Variants in SPAG16 observed in about 807,000 individuals in gnomAD.
SPAG16 encodes the protein sperm associated antigen 16, also known as sperm-associated antigen 16 protein.
Under a neutral mutation model 80.4 loss-of-function variants are expected in SPAG16, and 86 were observed. That is an observed-to-expected ratio of 1.07 (90% CI 0.90 to 1.28). SPAG16 has a LOEUF of 1.28. Ranked by LOEUF, SPAG16 falls within the 50% of genes most tolerant of loss-of-function variation. SPAG16 has a pLI of 0.00. For missense variants in SPAG16, 870 were observed against 765.3 expected (o/e 1.14, Z -1.61); for synonymous variants, 294 against 265.9 (o/e 1.11, Z -1.03).
At chr2:213,697,120 G>A (rs141234698) in intron 10 of SPAG16, among the ~76,000 whole-genome samples, 230 of 152,242 alleles carry the variant, frequency 1.5e-3, no homozygotes, top group African/African-American at 5.3e-3. Context: ...GAAAGGGGAT[G>A]GGTAGAAGTT....
intron 9 of SPAG16, among the ~76,000 whole-genome samples, chr2:213,450,743 A>G (rs1211289318): frequency 6.6e-6 from 1 of 152,216 alleles, no homozygotes; most frequent in African/African-American, 2.4e-5. Context: ...TGTTCACATT[A>G]AATACAATTT....
At chr2:213,670,989 T>C (rs1236381868) in intron 10 of SPAG16, among the ~76,000 whole-genome samples, 1 of 152,218 alleles carries the variant, frequency 6.6e-6, no homozygotes, top group Non-Finnish European at 1.5e-5. Context: ...ATCACATGGA[T>C]ACATAAAAGT....
chr2:213,892,739 C>A (rs2076834199), intron 11 of SPAG16, among the ~76,000 whole-genome samples: 1 of 151,882 alleles, frequency 6.6e-6, no homozygotes, highest in South Asian at 2.1e-4. Context: ...TCAAACACAG[C>A]CTACTTAAAA....
At chr2:213,901,253 G>A (rs16851076) in intron 11 of SPAG16, among the ~76,000 whole-genome samples, 36,876 of 152,020 alleles carry the variant, frequency 0.24, 5,005 homozygotes, top group South Asian at 0.36. Context: ...CCTAAGTATC[G>A]TAGCAGCCTA....
At chr2:213,943,565 T>C (rs1358652343) in intron 12 of SPAG16, among the ~76,000 whole-genome samples, 1 of 152,162 alleles carries the variant, frequency 6.6e-6, no homozygotes, top group East Asian at 1.9e-4. Flanking sequence ...TGTTCTAGTA[T>C]TTTATGGAAG....
At chr2:213,643,366 A>C (rs1559337818) in intron 10 of SPAG16, among the ~76,000 whole-genome samples, 1 of 26,686 alleles carries the variant, frequency 3.7e-5, no homozygotes, top group East Asian at 9.7e-4. Flanking sequence ...ATATATATAT[A>C]TATATATATA....
At chr2:213,426,141 A>G (rs1377110064) in intron 9 of SPAG16, among the ~76,000 whole-genome samples, 1 of 152,112 alleles carries the variant, frequency 6.6e-6, no homozygotes, top group Non-Finnish European at 1.5e-5. Flanking sequence ...TTCTGTACTT[A>G]TTTTCAGCCT....
chr2:213,402,416 AG>A (rs1435300366), intron 9 of SPAG16, among the ~76,000 whole-genome samples: 10 of 151,972 alleles, frequency 6.6e-5, no homozygotes, highest in Non-Finnish European at 8.8e-5. Flanking sequence ...ATTTATTTAT[AG>A]TTTTTTTTAA....
intron 10 of SPAG16, among the ~76,000 whole-genome samples, chr2:213,691,687 C>G (rs1002538020): frequency 6.6e-6 from 1 of 152,156 alleles, no homozygotes; most frequent in Non-Finnish European, 1.5e-5. Flanking sequence ...ATCTCTTGCT[C>G]TTTGTCTTTT....
chr2:213,539,645 T>C (rs999924945), intron 10 of SPAG16, among the ~76,000 whole-genome samples: 1 of 152,352 alleles, frequency 6.6e-6, no homozygotes, highest in African/African-American at 2.4e-5. Context: ...AAGAATTTAG[T>C]GCTTCACTGT....
At chr2:213,953,716 T>C (rs191238659) in intron 12 of SPAG16, among the ~76,000 whole-genome samples, 3 of 151,960 alleles carry the variant, frequency 2.0e-5, no homozygotes, top group Admixed American at 2.0e-4. Flanking sequence ...AACGTTCAAG[T>C]AGAAGTTTAA....
chr2:213,361,376 GTGTA>G (rs2065968867), intron 7 of SPAG16, among the ~76,000 whole-genome samples: 1 of 149,552 alleles, frequency 6.7e-6, no homozygotes. Flanking sequence ...GTGTGTGTGT[GTGTA>G]TATATATATA....
At chr2:214,075,577 A>G (rs1291155132) in intron 13 of SPAG16, among the ~76,000 whole-genome samples, 1 of 152,154 alleles carries the variant, frequency 6.6e-6, no homozygotes, top group Non-Finnish European at 1.5e-5. Context: ...ATATACTCCA[A>G]CAAAAATGTT....
chr2:214,178,240 C>T (rs2125659873), intron 15 of SPAG16, among the ~76,000 whole-genome samples: 1 of 150,090 alleles, frequency 6.7e-6, no homozygotes, highest in Admixed American at 6.7e-5. Context: ...CAGGAGATAT[C>T]AGAGTTTTGC....
intron 13 of SPAG16, among the ~76,000 whole-genome samples, chr2:214,073,237 T>C (rs1472635026): frequency 6.6e-6 from 1 of 151,064 alleles, no homozygotes; most frequent in Non-Finnish European, 1.5e-5. Flanking sequence ...TTTTTCTTTT[T>C]TTTTTTTTCT....
intron 14 of SPAG16, among the ~76,000 whole-genome samples, chr2:214,126,043 CTTCCTTCCTTCCTTCCTTTTT>C (rs2054474550): frequency 2.8e-4 from 3 of 10,688 alleles, no homozygotes; most frequent in South Asian, 7.4e-3. Context: ...TCCTTCCTTC[CTTCCTTCCTTCCTTCCTTTTT>C]TTTTTTTTTT....
At chr2:213,317,834 A>G (rs748405700) in intron 5 of SPAG16, 99 of 653,476 alleles carry the variant, frequency 1.5e-4, no homozygotes, top group Non-Finnish European at 1.2e-4. Flanking sequence ...TAACAAATGT[A>G]TCCCTCTGTT....
intron 10 of SPAG16, among the ~76,000 whole-genome samples, chr2:213,634,552 G>T (rs112662216): frequency 2.0e-5 from 3 of 152,004 alleles, no homozygotes. Context: ...TTGCTTGTTG[G>T]TGTCCCTTTC....
At chr2:213,941,707 A>G (rs1675539725) in intron 12 of SPAG16, among the ~76,000 whole-genome samples, 1 of 152,172 alleles carries the variant, frequency 6.6e-6, no homozygotes, top group Non-Finnish European at 1.5e-5. Flanking sequence ...ACAACTTCTT[A>G]TAAGTACATG....
Sources: allele counts gnomAD v4.1 joint callset (sites outside exome capture counted in the v4.1 genomes callset), GRCh38; gene constraint gnomAD v4.1.1; transcripts MANE v1.5; gene names NCBI Gene and HGNC (gene_info 2026-07-23, HGNC 2026-07-21).